ZNF398: variants seen among roughly 807,000 people sequenced by gnomAD.
ZNF398 encodes zinc finger DNA binding protein ZER6.
ZNF398 carries 18 observed loss-of-function variants against 41.9 expected under a neutral mutation model. The observed-to-expected ratio is 0.43, with a 90% CI of 0.30 to 0.64. The LOEUF (loss-of-function observed/expected upper bound fraction) is 0.64, where lower values mean the gene tolerates loss of function less well. ZNF398 is among the 30% of genes least tolerant of loss of function. The pLI, the probability that ZNF398 is intolerant of heterozygous loss-of-function variation, is 0.14. For missense variants in ZNF398, 669 were observed against 822.8 expected, an observed-to-expected ratio of 0.81 and a Z score of 2.29; for synonymous variants, 260 against 308.8, an observed-to-expected ratio of 0.84 and a Z score of 1.66.
At chr7:149,130,816 A>T (rs1351772549) in intron 2 of ZNF398, among the ~76,000 whole-genome samples, 1 of 152,146 alleles carries the variant, frequency 6.6e-6, no homozygotes, top group Non-Finnish European at 1.5e-5. Context: ...GAGATGGGAG[A>T]TGGGAGATCA....
intron 2 of ZNF398, among the ~76,000 whole-genome samples, chr7:149,156,596 C>T (rs999001222): frequency 9.9e-5 from 15 of 151,212 alleles, no homozygotes; most frequent in South Asian, 2.1e-4. Context: ...CAGTGGCTCA[C>T]GCCTGTAATC....
intron 4 of ZNF398, among the ~76,000 whole-genome samples, chr7:149,168,605 G>GTC (rs1795271661): frequency 6.6e-6 from 1 of 152,042 alleles, no homozygotes; most frequent in Non-Finnish European, 1.5e-5. Context: ...GTCTCACTCT[G>GTC]TCGCCCAGGC....
chr7:149,139,507 C>T (rs569463273), intron 2 of ZNF398, among the ~76,000 whole-genome samples: 3 of 143,502 alleles, frequency 2.1e-5, no homozygotes, highest in South Asian at 4.4e-4. Flanking sequence ...CACATCATGA[C>T]GTCAGGAGTT....
chr7:149,138,726 T>C (rs920658268), intron 2 of ZNF398, among the ~76,000 whole-genome samples: 1 of 152,204 alleles, frequency 6.6e-6, no homozygotes, highest in Non-Finnish European at 1.5e-5. Context: ...CGAGTGATTG[T>C]CTCTGGATTG....
At chr7:149,155,734 T>TTTTTTTTTATTA (rs1794962000) in intron 2 of ZNF398, among the ~76,000 whole-genome samples, 3 of 110,650 alleles carry the variant, frequency 2.7e-5, no homozygotes, top group Admixed American at 9.6e-5. Flanking sequence ...TTTTTTAATT[T>TTTTTTTTTATTA]TTTTTTTTTT....
In ZNF398 at chr7:149,179,369, C is replaced by T. The variant is rs146774123; in HGVS notation, c.1497C>T (p.Ile499=). 2.8e-4 allele frequency: 450 copies of T among 1,612,802 alleles called. 1 individual carries two copies. Among genetic ancestry groups the T allele is most frequent in the Admixed American group, 2.3e-3 (140 of 59,958 alleles). ...ACTTCAACGGCCACTCGGCCCTGAT[C>T]CGCCACCAGATGATCCACACAGGCG... ...GIDFNGHSAL[I]RHQMIHTGER... is the part of the protein sequence containing the mutation. The change falls in exon 6 of 6, where the codon ATC becomes ATT. Residue 499 remains isoleucine (I), a synonymous_variant. Transcript: ENST00000475153. This position sits in a 1 kb window ranked among gnomAD's most constrained non-coding sequence, Gnocchi z 6.1.
In ZNF398 at chr7:149,179,501, C is replaced by T. The variant is rs748957106; in HGVS notation, c.1629C>T (p.His543=). 4 of 1,614,258 alleles carry T rather than the reference C, an allele frequency of 2.5e-6. No individual in the cohort carries two copies. In the East Asian group the frequency reaches 8.9e-5, roughly 36 times the overall value. Residue 543 remains histidine, a synonymous_variant, in exon 6 of 6, where the codon CAC becomes CAT. Transcript: ENST00000475153. This position sits in a 1 kb window ranked among gnomAD's most constrained non-coding sequence, Gnocchi z 6.1. ...HTGERPFSCP[H]CGKSFIRKHH... ...GCGAGCGGCCCTTCAGTTGTCCTCA[C>T]TGTGGCAAGAGCTTCATCCGCAAGC...
upstream of ZNF398, among the ~76,000 whole-genome samples, chr7:149,144,105 T>C (rs1036263724): frequency 6.6e-6 from 1 of 152,178 alleles, no homozygotes; most frequent in African/African-American, 2.4e-5. Context: ...ATAGGAAGAA[T>C]TTCTTGTCTT....
At chr7:149,164,371 C>T (rs978567312) in intron 2 of ZNF398, among the ~76,000 whole-genome samples, 1 of 152,106 alleles carries the variant, frequency 6.6e-6, no homozygotes, top group Middle Eastern at 3.4e-3. Flanking sequence ...CGCACCACTG[C>T]ACTCCAGCCT....
chr7:149,148,322 CG>C (rs1023919854), intron 1 of ZNF398: 1 of 458,914 alleles, frequency 2.2e-6, no homozygotes, highest in Admixed American at 6.4e-5. Context: ...GCGTGCGTGG[CG>C]GTTCATTCGC....
In ZNF398 at chr7:149,147,647, A is replaced by G; in HGVS notation, c.-96A>G. The G allele has an allele frequency of 8.3e-7, 1 of 1,203,782 alleles. No individual in the cohort carries two copies. The highest frequency in any genetic ancestry group is 1.0e-6 in the Non-Finnish European group (1 of 965,540). The allele number at this position is 1,203,782 out of a possible 1,614,324, so 74.6% of individuals were successfully genotyped here. On this transcript the variant is annotated 5_prime_UTR_variant, in exon 1 of 6. Coordinates refer to ENST00000475153, the MANE Select transcript of ZNF398 (RefSeq NM_170686.3). This position sits in a 1 kb window ranked among gnomAD's most constrained non-coding sequence, Gnocchi z 5.6. ...AGGGCCGGGTCGGCGCCGCCTGTGGAGAGGACCCGGCGGCCGGGCCTGCTT... is the reference window on the plus strand; with the variant it reads ...AGGGCCGGGTCGGCGCCGCCTGTGGGGAGGACCCGGCGGCCGGGCCTGCTT...
At position 149,178,852 on chromosome 7, in the gene ZNF398, C is replaced by G; in HGVS notation, c.980C>G (p.Thr327Ser). The change falls in exon 6 of 6, where the codon ACT becomes AGT. Residue 327 changes from threonine to serine, a missense_variant. Physicochemically the swap from Thr to Ser is moderately conservative, Grantham distance 58. This residue lies in a region of ZNF398 where 290 missense variants were observed against 292.9 expected (regional missense o/e 0.99). Transcript: ENST00000475153. Reference sequence around the variant, plus strand: ...GCCTCTGAGGGACAAGTGACTTTTACTCAGTTGGGTAGCTATCCCCTCCCA... The same window carrying G: ...GCCTCTGAGGGACAAGTGACTTTTAGTCAGTTGGGTAGCTATCCCCTCCCA... ...PEASEGQVTFTQLGSYPLPPP... is the reference protein window; with the variant it reads ...PEASEGQVTFSQLGSYPLPPP... The G allele has an allele frequency of 6.2e-7, 1 of 1,614,176 alleles. No individual in the cohort carries two copies. Among genetic ancestry groups the G allele is most frequent in the Non-Finnish European group, 8.5e-7 (1 of 1,180,022 alleles).
intron 4 of ZNF398, among the ~76,000 whole-genome samples, chr7:149,167,171 C>T (rs1795241570): frequency 1.3e-5 from 2 of 152,238 alleles, no homozygotes; most frequent in Admixed American, 6.5e-5. Context: ...GAAGTACTGA[C>T]ACCTAGCTGT....
chr7:149,148,904 A>G (rs1827037132), intron 1 of ZNF398, among the ~76,000 whole-genome samples: 1 of 91,524 alleles, frequency 1.1e-5, no homozygotes, highest in Non-Finnish European at 1.9e-5. Flanking sequence ...CTCATCAGCT[A>G]TCATGATCAG....
In ZNF398 at chr7:149,176,469, G is replaced by C. The variant is rs144944936; in HGVS notation, c.663G>C (p.Glu221Asp). Reference protein sequence around the residue: ...ESEIPTDPSEEPGISTSDILS... With the variant: ...ESEIPTDPSEDPGISTSDILS... Reference sequence around the variant, plus strand: ...TTTTTTTTTCCTCCCACAAATTAGAGCCTGGTATTTCAACATCAGATATTC... The same window carrying C: ...TTTTTTTTTCCTCCCACAAATTAGACCCTGGTATTTCAACATCAGATATTC... Residue 221 changes from glutamate (E) to aspartate (D), a missense_variant and splice_region_variant, in exon 5 of 6, where the codon GAG becomes GAC. Glu to Asp is a conservative substitution (Grantham distance 45). Coordinates refer to ENST00000475153, the MANE Select transcript of ZNF398 (RefSeq NM_170686.3). The C allele has an allele frequency of 1.2e-5, 19 of 1,612,010 alleles. No homozygotes were observed. The highest frequency in any genetic ancestry group is 2.7e-5 in the African/African-American group (2 of 74,796).
intron 2 of ZNF398, among the ~76,000 whole-genome samples, chr7:149,133,719 G>GTATA (rs1213239004): frequency 5.6e-5 from 4 of 71,282 alleles, no homozygotes; most frequent in Non-Finnish European, 2.7e-5. Context: ...ACATATATAT[G>GTATA]TATATATATA....
At chr7:149,175,657 A>G (rs1325534310) in intron 4 of ZNF398, among the ~76,000 whole-genome samples, 1 of 152,128 alleles carries the variant, frequency 6.6e-6, no homozygotes, top group Admixed American at 6.6e-5. Flanking sequence ...CTAACTTTGT[A>G]ATTCTGGAAG....
At position 149,179,821 on chromosome 7, in the gene ZNF398, CATGCTT is replaced by C; in HGVS notation, c.*21_*26del. On this transcript the variant is annotated 3_prime_UTR_variant, in exon 6 of 6. Coordinates refer to ENST00000475153, the MANE Select transcript of ZNF398 (RefSeq NM_170686.3). The surrounding 1 kb of genome is among the most constrained non-coding windows in gnomAD (Gnocchi z 6.1). ...TTGTAAATCCAAATCTCTGTGGCTT[CATGCTT>C]GTATATGCTCACAGCAGGGCACAAA... 1 of 1,548,024 alleles carries C rather than the reference CATGCTT, an allele frequency of 6.5e-7. No individual in the cohort carries two copies. Among genetic ancestry groups the C allele is most frequent in the East Asian group, 2.3e-5 (1 of 44,186 alleles).
At chr7:149,134,328 A>AC (rs1243501365) in intron 2 of ZNF398, among the ~76,000 whole-genome samples, 1 of 133,428 alleles carries the variant, frequency 7.5e-6, no homozygotes, top group Non-Finnish European at 1.6e-5. Flanking sequence ...AGGTAATCCA[A>AC]CCCCCCTCCC....
Sources: gnomAD v4.1 joint callset for allele counts (sites outside exome capture counted in the v4.1 genomes callset) on GRCh38, gnomAD v4.1.1 for gene constraint, gnomAD v4.1.1 regional missense constraint, Gnocchi (gnomAD v3.1) non-coding constraint, MANE v1.5 for transcripts, NCBI Gene and HGNC (gene_info 2026-07-23, HGNC 2026-07-21) for gene names.